The following CHST8 variants were observed in gnomAD, a reference collection of about 807,000 sequenced individuals.
CHST8 encodes the protein GALNAC-4-ST1.
CHST8 carries 10 observed loss-of-function variants against 15.0 expected under a neutral mutation model. The ratio of observed to expected loss-of-function variants is 0.67; its 90% CI spans 0.41 to 1.13. The LOEUF (loss-of-function observed/expected upper bound fraction) is 1.13. Ranked by LOEUF, CHST8 falls within the 50% of genes most tolerant of loss-of-function variation. The pLI is 0.00. For missense variants in CHST8, 634 were observed against 608.2 expected, an observed-to-expected ratio of 1.04 and a Z score of -0.45; for synonymous variants, 259 against 256.6, an observed-to-expected ratio of 1.01 and a Z score of -0.09.
intron 3 of CHST8, among the ~76,000 whole-genome samples, chr19:33,700,874 C>A (rs1188282933): frequency 6.6e-6 from 1 of 152,126 alleles, no homozygotes; most frequent in Non-Finnish European, 1.5e-5. Flanking sequence ...GAAGGGTGTC[C>A]CCTGGAGTTG....
At chr19:33,767,965 C>A (rs1006706595) in intron 3 of CHST8, among the ~76,000 whole-genome samples, 1 of 152,122 alleles carries the variant, frequency 6.6e-6, no homozygotes, top group Non-Finnish European at 1.5e-5. Context: ...ATAAGTGCCC[C>A]CCACGGCACT....
At chr19:33,724,814 T>G (rs1312901220) in intron 3 of CHST8, among the ~76,000 whole-genome samples, 1 of 152,152 alleles carries the variant, frequency 6.6e-6, no homozygotes, top group Non-Finnish European at 1.5e-5. Context: ...GGTCCCCAGC[T>G]GCTCCACCTC....
chr19:33,666,905 T>A (rs1374563065), intron 1 of CHST8, among the ~76,000 whole-genome samples: 1 of 152,162 alleles, frequency 6.6e-6, no homozygotes, highest in East Asian at 1.9e-4. Context: ...TTTCATTATG[T>A]TGCCCAGGCT....
intron 3 of CHST8, among the ~76,000 whole-genome samples, chr19:33,703,707 G>A (rs1973389224): frequency 1.3e-5 from 2 of 152,184 alleles, no homozygotes; most frequent in Admixed American, 1.3e-4. Flanking sequence ...CAGAAGTTGG[G>A]AGCCTCTGGG....
At chr19:33,703,576 CA>C in intron 3 of CHST8, among the ~76,000 whole-genome samples, 1 of 152,364 alleles carries the variant, frequency 6.6e-6, no homozygotes, top group Admixed American at 6.5e-5. Flanking sequence ...GGGCTAGACG[CA>C]CCTTCTGCTG....
intron 1 of CHST8, among the ~76,000 whole-genome samples, chr19:33,652,720 C>T (rs1972465230): frequency 6.6e-6 from 1 of 152,070 alleles, no homozygotes. Context: ...TCCTACTTAA[C>T]TTGCTTTTTC....
intron 1 of CHST8, among the ~76,000 whole-genome samples, chr19:33,642,612 C>T (rs1405220292): frequency 1.3e-5 from 2 of 152,316 alleles, no homozygotes; most frequent in East Asian, 3.9e-4. Flanking sequence ...ATCTGCCTGC[C>T]TCAGCCTCCC....
chr19:33,712,013 C>T (rs1044776390), intron 3 of CHST8, among the ~76,000 whole-genome samples: 5 of 152,040 alleles, frequency 3.3e-5, no homozygotes, highest in East Asian at 1.9e-4. Context: ...GACAGGAAAC[C>T]GTAATTGGAA....
At chr19:33,744,479 T>C (rs965853197) in intron 3 of CHST8, 1 of 152,142 alleles carries the variant, frequency 6.6e-6, no homozygotes, top group Non-Finnish European at 1.5e-5. Flanking sequence ...AACGCATTTC[T>C]CAGGGTCCTG....
At chr19:33,768,315 C>T (rs1419651131) in intron 3 of CHST8, among the ~76,000 whole-genome samples, 1 of 152,120 alleles carries the variant, frequency 6.6e-6, no homozygotes, top group African/African-American at 2.4e-5. Flanking sequence ...TGGCTCGCAC[C>T]TATAATTCCA....
intron 1 of CHST8, among the ~76,000 whole-genome samples, chr19:33,632,248 T>A (rs1972132055): frequency 6.6e-6 from 1 of 150,742 alleles, no homozygotes; most frequent in African/African-American, 2.4e-5. Flanking sequence ...CAAGTAATCC[T>A]CCCAGCTCAG....
At position 33,693,889 on chromosome 19, in the gene CHST8, A is replaced by G. The variant is rs59506029; in HGVS notation, c.130+4498A>G. On this transcript the variant is annotated intron_variant, in intron 3 of 4. Transcript: ENST00000650847. ...AGATCGTGCCTAGATCCAGCCATTC[A>G]TTAGGGGTTACACAGTGGCAATGTT... 6.0e-3 allele frequency among the ~76,000 whole-genome samples: 904 copies of G among 151,622 alleles called. 9 individuals carry two copies. Among genetic ancestry groups the G allele is most frequent in the African/African-American group, 0.021 (874 of 41,262 alleles).
intron 3 of CHST8, among the ~76,000 whole-genome samples, chr19:33,745,663 G>A (rs547193675): frequency 1.3e-3 from 198 of 152,348 alleles, no homozygotes; most frequent in Non-Finnish European, 1.7e-3. Context: ...TGAGGGCACC[G>A]GGTGGGGATT....
At chr19:33,751,873 GC>G (rs1450985654) in intron 3 of CHST8, among the ~76,000 whole-genome samples, 11 of 152,326 alleles carry the variant, frequency 7.2e-5, no homozygotes, top group Admixed American at 4.6e-4. Flanking sequence ...CATGGGGCCT[GC>G]GGCACCAGCT....
chr19:33,644,293 T>C (rs530996938), intron 1 of CHST8, among the ~76,000 whole-genome samples: 2 of 152,250 alleles, frequency 1.3e-5, no homozygotes, highest in East Asian at 3.9e-4. Flanking sequence ...TCAACAAATA[T>C]TTATGGAGAA....
chr19:33,631,429 C>G (rs1972121034), intron 1 of CHST8, among the ~76,000 whole-genome samples: 1 of 152,128 alleles, frequency 6.6e-6, no homozygotes, highest in Admixed American at 6.6e-5. Context: ...GTGCCTGGGG[C>G]TGGGCCTGTG....
intron 1 of CHST8, among the ~76,000 whole-genome samples, chr19:33,627,409 A>G (rs939607597): frequency 4.6e-5 from 7 of 151,628 alleles, no homozygotes; most frequent in African/African-American, 1.5e-4. Context: ...AGCACGCCCG[A>G]CCCTTTTTCT....
rs576054717 is a variant in CHST8 at position 33,701,145 on chromosome 19, T to C, written c.130+11754T>C. Among the ~76,000 whole-genome samples the C allele has an allele frequency of 9.3e-4, 142 of 152,264 alleles. 1 individual carries two copies. The highest frequency in any genetic ancestry group is 3.4e-3 in the African/African-American group (142 of 41,544). On this transcript the variant is annotated intron_variant, in intron 3 of 4. Coordinates refer to ENST00000650847, the MANE Select transcript of CHST8 (RefSeq NM_001127895.2). ...TGGAGGGGGAGCCCACTGTGGACCC[T>C]GTCTCTGCAGTGAAAGTTTCTCAGT...
intron 3 of CHST8, among the ~76,000 whole-genome samples, chr19:33,751,699 A>C (rs59191555): frequency 4.7e-4 from 71 of 152,142 alleles, no homozygotes; most frequent in African/African-American, 1.7e-3. Flanking sequence ...TGGACCCACC[A>C]CTCTGCCAGC....
Sources: allele counts gnomAD v4.1 joint callset (sites outside exome capture counted in the v4.1 genomes callset), GRCh38; gene constraint gnomAD v4.1.1; transcripts MANE v1.5; gene names NCBI Gene and HGNC (gene_info 2026-07-23, HGNC 2026-07-21).